DUSP8: variants seen among roughly 807,000 people sequenced by gnomAD.
DUSP8 encodes the protein dual specificity phosphatase 8, also known as dual specificity protein phosphatase 8.
Under a neutral mutation model 38.7 loss-of-function variants are expected in DUSP8, and 15 were observed. The observed-to-expected ratio is 0.39, with a 90% CI of 0.26 to 0.60. The LOEUF (loss-of-function observed/expected upper bound fraction) is 0.60, where lower values mean the gene tolerates loss of function less well. Ranked by LOEUF, DUSP8 falls within the 20% of genes least tolerant of loss-of-function variation. The probability of loss-of-function intolerance (pLI) is 0.56; values close to 1 mark genes in which losing one functional copy is unlikely to be tolerated. For missense variants in DUSP8, 768 were observed against 915.0 expected, an observed-to-expected ratio of 0.84 and a Z score of 2.07; for synonymous variants, 458 against 433.9, an observed-to-expected ratio of 1.06 and a Z score of -0.69.
intron 1 of DUSP8, among the ~76,000 whole-genome samples, chr11:1,570,238 C>G (rs1035530420): frequency 1.3e-5 from 2 of 152,206 alleles, no homozygotes; most frequent in African/African-American, 2.4e-5. Flanking sequence ...AGACCTGTGT[C>G]CCTCCTCCTG....
chr11:1,565,159 T>A (rs1393768829), intron 2 of DUSP8, among the ~76,000 whole-genome samples: 1 of 152,160 alleles, frequency 6.6e-6, no homozygotes, highest in Non-Finnish European at 1.5e-5. Flanking sequence ...ACCCCTCCTG[T>A]CCTCACAGCA....
In DUSP8 at chr11:1,556,319, C is replaced by T. The variant is rs1848621984; in HGVS notation, c.*199G>A. 1.7e-5 allele frequency: 11 copies of T among 632,300 alleles called. No homozygotes were observed. The East Asian group carries it at 3.8e-4, about 22-fold the overall frequency. 39.2% of individuals were successfully genotyped at this position (632,300 alleles called of 1,614,324 possible). On this transcript the variant is annotated 3_prime_UTR_variant, in exon 7 of 7. Coordinates refer to ENST00000397374, the MANE Select transcript of DUSP8 (RefSeq NM_004420.3). The surrounding 1 kb of genome is among the most constrained non-coding windows in gnomAD (Gnocchi z 5.2). The stretch of plus-strand genomic sequence containing the variant: ...CGTATGTTTCAGTTTAAATACCAGA[C>T]AGTAAAAATAGAGCTCGAGGACCAC...
In DUSP8 at chr11:1,557,498, G is replaced by C. The variant is rs749835351; in HGVS notation, c.898C>G (p.Leu300Val). 1.3e-6 allele frequency: 2 copies of C among 1,584,846 alleles called. No homozygotes were observed. Among genetic ancestry groups the C allele is most frequent in the Admixed American group, 1.7e-5 (1 of 57,800 alleles). Residue 300 changes from leucine (L) to valine (V), a missense_variant, in exon 7 of 7, where the codon CTG (leucine) becomes GTG (valine). Around this residue, in one of 3 missense-constraint regions of DUSP8, gnomAD observed 474 missense variants for 430.8 expected, o/e 1.10. Transcript: ENST00000397374. The surrounding 1 kb of genome is among the most constrained non-coding windows in gnomAD (Gnocchi z 9.9). ...LGQLLEYERS[L>V]KLLAALQGDP... is the part of the protein sequence containing the mutation. The stretch of plus-strand genomic sequence containing the variant: ...CCCTGCAGGGCGGCCAGCAGCTTCA[G>C]GCTGCGCTCGTACTCCAGCAGCTGG...
intron 1 of DUSP8, among the ~76,000 whole-genome samples, chr11:1,566,334 C>G (rs1160534110): frequency 6.6e-6 from 1 of 152,122 alleles, no homozygotes; most frequent in Non-Finnish European, 1.5e-5. Flanking sequence ...CCTCACCCTC[C>G]CACATGGTCA....
At chr11:1,562,929 A>T (rs989340475) in intron 3 of DUSP8, among the ~76,000 whole-genome samples, 1 of 152,156 alleles carries the variant, frequency 6.6e-6, no homozygotes, top group Non-Finnish European at 1.5e-5. Context: ...GTCCCAGGAC[A>T]TGCCATGTCG....
Position 1,556,716 on chromosome 11 carries a change from C to T in DUSP8, c.1680G>A (p.Glu560=). The T allele has an allele frequency of 8.1e-7, 1 of 1,237,910 alleles. No homozygotes were observed. The highest frequency in any genetic ancestry group is 1.0e-6 in the Non-Finnish European group (1 of 990,960). 76.7% of individuals were successfully genotyped at this position (1,237,910 alleles called of 1,614,324 possible). A position where few individuals can be genotyped will look rare whatever the true frequency, so the allele number is the denominator to read the frequency against. ...PGGGSDLRRR[E]AARAEPRDAR... The stretch of plus-strand genomic sequence containing the variant: ...CGTCCCGGGGCTCAGCCCTCGCTGC[C>T]TCCCGCCGCCGCAGGTCGCTGCCGC... Residue 560 remains glutamate, a synonymous_variant, in exon 7 of 7, where the codon GAG becomes GAA. Coordinates refer to ENST00000397374, the MANE Select transcript of DUSP8 (RefSeq NM_004420.3). The surrounding 1 kb of genome is among the most constrained non-coding windows in gnomAD (Gnocchi z 5.2).
chr11:1,560,859 G>T (rs1848707429), intron 3 of DUSP8, among the ~76,000 whole-genome samples: 2 of 152,140 alleles, frequency 1.3e-5, no homozygotes, highest in African/African-American at 4.8e-5. Context: ...CTTTCTCCAG[G>T]GCCTGGCCAA....
rs1178991975 is a variant in DUSP8, at chr11:1,556,765, C to T, written c.1631G>A (p.Arg544Gln). ...AGGVLFAPFG[R>Q]AGAPGPGGGS... ...GCCGCCTGGTCCCGGGGCGCCCGCC[C>T]GGCCGAAGGGCGCAAACAGCACCCC... The change falls in exon 7 of 7, where the codon CGG becomes CAG. Residue 544 changes from arginine to glutamine, a missense_variant. By Grantham distance (43) the Arg-to-Gln change is conservative. This residue lies in a region of DUSP8 where 474 missense variants were observed against 430.8 expected (regional missense o/e 1.10). Coordinates refer to ENST00000397374, the MANE Select transcript of DUSP8 (RefSeq NM_004420.3). This position sits in a 1 kb window ranked among gnomAD's most constrained non-coding sequence, Gnocchi z 5.2. 2.5e-6 allele frequency: 3 copies of T among 1,196,788 alleles called. No homozygotes were observed. The highest frequency in any genetic ancestry group is 3.1e-6 in the Non-Finnish European group (3 of 965,782). The allele number at this position is 1,196,788 out of a possible 1,614,324, so 74.1% of individuals were successfully genotyped here.
Position 1,557,507 on chromosome 11 carries a change from C to G in DUSP8, c.889G>C (p.Glu297Gln). ...FNFLGQLLEYERSLKLLAALQ... is the reference protein window; with the variant it reads ...FNFLGQLLEYQRSLKLLAALQ... Reference sequence around the variant, plus strand: ...GCGGCCAGCAGCTTCAGGCTGCGCTCGTACTCCAGCAGCTGGCCCAGGAAG... The same window carrying G: ...GCGGCCAGCAGCTTCAGGCTGCGCTGGTACTCCAGCAGCTGGCCCAGGAAG... Residue 297 changes from glutamate (E) to glutamine (Q), a missense_variant, in exon 7 of 7, where the codon GAG (glutamate) becomes CAG (glutamine). By Grantham distance (29) the Glu-to-Gln change is conservative. Transcript: ENST00000397374. The surrounding 1 kb of genome is among the most constrained non-coding windows in gnomAD (Gnocchi z 9.9). 8 of 1,588,382 alleles carry G rather than the reference C, an allele frequency of 5.0e-6. No individual in the cohort carries two copies. Among genetic ancestry groups the G allele is most frequent in the East Asian group, 2.2e-5 (1 of 44,518 alleles).
In DUSP8 at chr11:1,558,813, G is replaced by T; in HGVS notation, c.537+76C>A. The T allele has an allele frequency of 6.7e-7, 1 of 1,500,184 alleles. No individual in the cohort carries two copies. The allele number at this position is 1,500,184 out of a possible 1,614,324, so 92.9% of individuals were successfully genotyped here. On this transcript the variant is annotated intron_variant, in intron 4 of 6. Coordinates refer to ENST00000397374, the MANE Select transcript of DUSP8 (RefSeq NM_004420.3). This position sits in a 1 kb window ranked among gnomAD's most constrained non-coding sequence, Gnocchi z 6.3. ...CAGCTCCTTTCCTCCCTCATCCCCC[G>T]CTCCGCTGCCAAGCTGCTTCTGGAG...
rs1442399190 is a variant in DUSP8 at position 1,558,045 on chromosome 11, C to A, written c.697+67G>T. ...TACTTCCTGGGGACCCCTCCTGTGTCTGTGGCCACACACAGCTCTAGCCTT... is the reference window on the plus strand; with the variant it reads ...TACTTCCTGGGGACCCCTCCTGTGTATGTGGCCACACACAGCTCTAGCCTT... On this transcript the variant is annotated intron_variant, in intron 5 of 6. Transcript: ENST00000397374. This position sits in a 1 kb window ranked among gnomAD's most constrained non-coding sequence, Gnocchi z 6.3. 1 of 1,610,064 alleles carries A rather than the reference C, an allele frequency of 6.2e-7. No individual in the cohort carries two copies. Among genetic ancestry groups the A allele is most frequent in the African/African-American group, 1.3e-5 (1 of 74,854 alleles).
intron 3 of DUSP8, among the ~76,000 whole-genome samples, chr11:1,562,938 C>T (rs559110976): frequency 6.6e-6 from 1 of 152,136 alleles, no homozygotes; most frequent in African/African-American, 2.4e-5. Flanking sequence ...CATGCCATGT[C>T]GGGAGGTCGG....
Position 1,557,421 on chromosome 11 carries a change from G to C in DUSP8, c.975C>G (p.Ala325=). The change falls in exon 7 of 7, where the codon GCC becomes GCG. Residue 325 remains alanine, a synonymous_variant. Coordinates refer to ENST00000397374, the MANE Select transcript of DUSP8 (RefSeq NM_004420.3). The surrounding 1 kb of genome is among the most constrained non-coding windows in gnomAD (Gnocchi z 9.9). ...GTPEPPPSPA[A]GAPLPRLPPP... ...GTGGCAGCCGTGGCAGCGGGGCCCCGGCGGCAGGACTGGGCGGAGGCTCCG... is the reference window on the plus strand; with the variant it reads ...GTGGCAGCCGTGGCAGCGGGGCCCCCGCGGCAGGACTGGGCGGAGGCTCCG... 1.3e-6 allele frequency: 2 copies of C among 1,564,100 alleles called. No homozygotes were observed. The highest frequency in any genetic ancestry group is 1.7e-6 in the Non-Finnish European group (2 of 1,167,344).
chr11:1,556,874 A>G lies in DUSP8; in HGVS notation c.1522T>C (p.Trp508Arg). The G allele has an allele frequency of 9.0e-7, 1 of 1,115,280 alleles. No individual in the cohort carries two copies. The highest frequency in any genetic ancestry group is 1.1e-6 in the Non-Finnish European group (1 of 914,088). 69.1% of individuals were successfully genotyped at this position (1,115,280 alleles called of 1,614,324 possible). The change falls in exon 7 of 7, where the codon TGG becomes CGG. Residue 508 changes from tryptophan (W) to arginine (R), a missense_variant. Around this residue, in one of 3 missense-constraint regions of DUSP8, gnomAD observed 474 missense variants for 430.8 expected, o/e 1.10. Transcript: ENST00000397374. The surrounding 1 kb of genome is among the most constrained non-coding windows in gnomAD (Gnocchi z 5.2). ...CCTGGGGAGTCGAGCGGCGGTGCCC[A>G]GGCCCCGGGGCCGGCCGGCTGGCCA... ...GPGQPAGPGA[W>R]APPLDSPGTP...
chr11:1,558,924 G>A lies in DUSP8; in HGVS notation c.502C>T (p.Leu168Phe), dbSNP rs1409014983. 1.9e-6 allele frequency: 3 copies of A among 1,612,768 alleles called. No individual in the cohort carries two copies. The highest frequency in any genetic ancestry group is 2.5e-6 in the Non-Finnish European group (3 of 1,179,560). ...ACGTCCTTCTGCGAGCCCAGGTAGA[G>A]GTGAGGCAGGATGCGGGTCAGGCCC... is the stretch of plus-strand genomic sequence containing the variant. ...SVGLTRILPHLYLGSQKDVLN... is the reference protein window; with the variant it reads ...SVGLTRILPHFYLGSQKDVLN... The change falls in exon 4 of 7, where the codon CTC becomes TTC. Residue 168 changes from leucine (L) to phenylalanine (F), a missense_variant. By Grantham distance (22) the Leu-to-Phe change is conservative. This residue lies in a region of DUSP8 where 252 missense variants were observed against 410.4 expected (regional missense o/e 0.61). Coordinates refer to ENST00000397374, the MANE Select transcript of DUSP8 (RefSeq NM_004420.3). This position sits in a 1 kb window ranked among gnomAD's most constrained non-coding sequence, Gnocchi z 6.3.
chr11:1,566,004 G>A (rs898581117), intron 1 of DUSP8, 70 bp from the exon 2 acceptor site: 2 of 598,520 alleles, frequency 3.3e-6, no homozygotes, highest in Admixed American at 5.8e-5. Flanking sequence ...CCCCAGGACA[G>A]ATCAGAGCTG....
Position 1,565,718 on chromosome 11 carries a change from C to G in DUSP8, c.109G>C (p.Glu37Gln). Residue 37 changes from glutamate (E) to glutamine (Q), a missense_variant, in exon 2 of 7, where the codon GAG (glutamate) becomes CAG (glutamine). Around this residue, in one of 3 missense-constraint regions of DUSP8, gnomAD observed 252 missense variants for 410.4 expected, o/e 0.61. Transcript: ENST00000397374. ...CTGAGCACATGCCAGCTGTTGTACT[C>G]CACGAAGGAGCGGCTGTCGATGACC... ...PLVIDSRSFV[E>Q]YNSWHVLSSV... 1 of 1,612,000 alleles carries G rather than the reference C, an allele frequency of 6.2e-7. No homozygotes were observed. Among genetic ancestry groups the G allele is most frequent in the South Asian group, 1.1e-5 (1 of 91,046 alleles).
chr11:1,565,678 C>T lies in DUSP8; in HGVS notation c.149G>A (p.Cys50Tyr). The change falls in exon 2 of 7, where the codon TGC becomes TAC. Residue 50 changes from cysteine to tyrosine, a missense_variant. Around this residue, in one of 3 missense-constraint regions of DUSP8, gnomAD observed 252 missense variants for 410.4 expected, o/e 0.61. Transcript: ENST00000397374. ...SWHVLSSVNI[C>Y]CSKLVKRRLQ... ...CCGCCGCTTCACCAGCTTGGAGCAG[C>T]AGATGTTGACGGAGCTGAGCACATG... is the stretch of plus-strand genomic sequence containing the variant. The T allele has an allele frequency of 1.9e-6, 3 of 1,611,926 alleles. No homozygotes were observed. The highest frequency in any genetic ancestry group is 2.5e-6 in the Non-Finnish European group (3 of 1,179,670).
At chr11:1,568,366 G>C (rs1028232742) in intron 1 of DUSP8, among the ~76,000 whole-genome samples, 6 of 151,966 alleles carry the variant, frequency 3.9e-5, no homozygotes, top group Admixed American at 3.3e-4. Context: ...GCAGGGTGGT[G>C]GGCAGGGGCT....
Sources: allele counts gnomAD v4.1 joint callset (sites outside exome capture counted in the v4.1 genomes callset), GRCh38; gene constraint gnomAD v4.1.1; regional missense constraint gnomAD v4.1.1; non-coding constraint Gnocchi (gnomAD v3.1); transcripts MANE v1.5; gene names NCBI Gene and HGNC (gene_info 2026-07-23, HGNC 2026-07-21).